HPSE2: variants seen among roughly 807,000 people sequenced by gnomAD.
HPSE2 encodes inactive heparanase-2.
A neutral mutation model predicts 60.5 loss-of-function variants in HPSE2; 38 were observed. That is an observed-to-expected ratio of 0.63 (90% CI 0.48 to 0.82). The LOEUF (loss-of-function observed/expected upper bound fraction) is 0.82, where lower values mean the gene tolerates loss of function less well. Among genes scored for constraint, HPSE2 ranks in the 40% least tolerant of loss-of-function variants. The pLI is 0.00. For missense variants in HPSE2, 713 were observed against 740.4 expected, an observed-to-expected ratio of 0.96 and a Z score of 0.43; for synonymous variants, 295 against 293.2, an observed-to-expected ratio of 1.01 and a Z score of -0.06.
chr10:99,198,801 G>A (rs145581441), intron 2 of HPSE2, among the ~76,000 whole-genome samples: 48 of 152,060 alleles, frequency 3.2e-4, no homozygotes, highest in African/African-American at 7.5e-4. Context: ...ATTAATCATC[G>A]TGCATATGTG....
chr10:98,477,223 G>A (rs186793499), intron 11 of HPSE2, among the ~76,000 whole-genome samples: 2 of 152,300 alleles, frequency 1.3e-5, no homozygotes, highest in Admixed American at 1.3e-4. Context: ...GGTTAAATGA[G>A]ATAATGGCTA....
intron 2 of HPSE2, among the ~76,000 whole-genome samples, chr10:99,186,499 C>A (rs553014166): frequency 8.6e-6 from 1 of 115,990 alleles, no homozygotes; most frequent in African/African-American, 3.3e-5. Context: ...GCCAAGATTA[C>A]GCCAGTGTAC....
the HPSE2 span, among the ~76,000 whole-genome samples, chr10:99,312,780 G>A: frequency 6.6e-6 from 1 of 152,296 alleles, no homozygotes; most frequent in East Asian, 1.9e-4. Flanking sequence ...AATTCCTCTG[G>A]CAGGTCTGGG....
At chr10:99,104,993 A>G (rs933421994) in intron 3 of HPSE2, among the ~76,000 whole-genome samples, 1 of 151,856 alleles carries the variant, frequency 6.6e-6, no homozygotes, top group Non-Finnish European at 1.5e-5. Context: ...GCACACCAAC[A>G]TGGCACATGT....
At chr10:98,545,131 A>G (rs1476299966) in intron 9 of HPSE2, among the ~76,000 whole-genome samples, 2 of 152,216 alleles carry the variant, frequency 1.3e-5, no homozygotes, top group Admixed American at 6.5e-5. Flanking sequence ...GAATAGACCA[A>G]TAACAGGATC....
At position 98,780,908 on chromosome 10, in the gene HPSE2, G is replaced by C. The variant is rs187346381; in HGVS notation, c.611-36852C>G. ...AAAAGAACATTTCCTGGATTCCCTT[G>C]TAGTTAGGGTGGGAGCATATGACTT... On this transcript the variant is annotated intron_variant, in intron 3 of 11. Coordinates refer to ENST00000370552, the MANE Select transcript of HPSE2 (RefSeq NM_021828.5). Among the ~76,000 whole-genome samples the C allele has an allele frequency of 2.6e-5, 4 of 152,188 alleles. No individual in the cohort carries two copies. The East Asian group carries it at 7.7e-4, about 29-fold the overall frequency.
At chr10:98,995,097 A>C (rs1956614321) in intron 3 of HPSE2, among the ~76,000 whole-genome samples, 1 of 151,984 alleles carries the variant, frequency 6.6e-6, no homozygotes, top group Non-Finnish European at 1.5e-5. Flanking sequence ...GGTGCTTCGA[A>C]CCCTCTCCTT....
intron 2 of HPSE2, among the ~76,000 whole-genome samples, chr10:99,207,086 A>G (rs1275922731): frequency 6.6e-6 from 1 of 152,204 alleles, no homozygotes; most frequent in Non-Finnish European, 1.5e-5. Context: ...CAATCCAAAT[A>G]AGACTACAAG....
intron 2 of HPSE2, among the ~76,000 whole-genome samples, chr10:99,154,199 C>T (rs1314961947): frequency 3.5e-5 from 5 of 141,062 alleles, no homozygotes; most frequent in African/African-American, 1.3e-4. Flanking sequence ...TCCAGGAGAA[C>T]TTCCCCAATC....
intron 2 of HPSE2, among the ~76,000 whole-genome samples, chr10:99,149,043 T>A (rs961581313): frequency 1.3e-5 from 2 of 151,454 alleles, no homozygotes; most frequent in Non-Finnish European, 2.9e-5. Flanking sequence ...ATATATATAT[T>A]TATACAAAAA....
intron 9 of HPSE2, among the ~76,000 whole-genome samples, chr10:98,574,398 A>G (rs770994416): frequency 1.3e-4 from 20 of 152,134 alleles, no homozygotes; most frequent in Admixed American, 1.3e-4. Context: ...TGCAAAGAGG[A>G]CTCTTCCTAT....
chr10:98,748,811 G>C (rs1420093348), intron 3 of HPSE2, among the ~76,000 whole-genome samples: 3 of 152,038 alleles, frequency 2.0e-5, no homozygotes, highest in Admixed American at 6.6e-5. Context: ...CCCAAAATAA[G>C]AGAGTTGCAA....
chr10:98,772,467 ATATAT>A (rs1370269172), intron 3 of HPSE2, among the ~76,000 whole-genome samples: 1 of 152,180 alleles, frequency 6.6e-6, no homozygotes, highest in African/African-American at 2.4e-5. Context: ...CTGTAGCATT[ATATAT>A]TATAATTCTC....
chr10:99,013,386 T>A, intron 3 of HPSE2: 1 of 565,584 alleles, frequency 1.8e-6, no homozygotes, highest in Non-Finnish European at 3.3e-6. Flanking sequence ...ACAGACTCTG[T>A]GTTAGTATAG....
intron 3 of HPSE2, among the ~76,000 whole-genome samples, chr10:99,087,123 A>G (rs931846426): frequency 6.6e-6 from 1 of 152,248 alleles, no homozygotes; most frequent in Non-Finnish European, 1.5e-5. Context: ...GCAGGCAACA[A>G]ATGAAAACTT....
intron 8 of HPSE2, among the ~76,000 whole-genome samples, chr10:98,619,307 G>C (rs1946008273): frequency 6.6e-6 from 1 of 152,164 alleles, no homozygotes; most frequent in Non-Finnish European, 1.5e-5. Context: ...ATCCTGAGGG[G>C]TTTGTCCCTG....
chr10:99,292,730 T>C, the HPSE2 span, among the ~76,000 whole-genome samples: 3 of 152,170 alleles, frequency 2.0e-5, no homozygotes, highest in Admixed American at 6.5e-5. Context: ...AAAAATGAGA[T>C]ATTTTACATT....
chr10:98,541,096 G>A (rs1464668068), intron 9 of HPSE2, among the ~76,000 whole-genome samples: 2 of 152,116 alleles, frequency 1.3e-5, no homozygotes, highest in African/African-American at 4.8e-5. Context: ...TGGGGTAAAT[G>A]TTTAGAATCC....
chr10:99,170,615 T>C (rs1037989773), intron 2 of HPSE2, among the ~76,000 whole-genome samples: 1 of 152,206 alleles, frequency 6.6e-6, no homozygotes, highest in Non-Finnish European at 1.5e-5. Flanking sequence ...ATGTGAAGGG[T>C]ATTTTCAAGT....
Sources: gnomAD v4.1 joint callset for allele counts (sites outside exome capture counted in the v4.1 genomes callset) on GRCh38, gnomAD v4.1.1 for gene constraint, MANE v1.5 for transcripts, NCBI Gene and HGNC (gene_info 2026-07-23, HGNC 2026-07-21) for gene names.